ANK3: variants seen among roughly 807,000 people sequenced by gnomAD.
The protein encoded by ANK3 is ankyrin 3, also known as ankyrin-3.
ANK3 carries 57 observed loss-of-function variants against 370.9 expected under a neutral mutation model. The ratio of observed to expected loss-of-function variants is 0.15; its 90% CI spans 0.12 to 0.19. ANK3 has a LOEUF of 0.19. ANK3 is among the 10% of genes least tolerant of loss of function. The probability of loss-of-function intolerance (pLI) is 1.00; values close to 1 mark genes in which losing one functional copy is unlikely to be tolerated. For synonymous variants in ANK3, 1,929 were observed against 1,946.3 expected, an observed-to-expected ratio of 0.99 and a Z score of 0.23; for missense variants, 4,439 against 5,302.1, an observed-to-expected ratio of 0.84 and a Z score of 5.06.
intron 1 of ANK3, among the ~76,000 whole-genome samples, chr10:60,376,865 A>G (rs1486062004): frequency 2.0e-5 from 3 of 152,222 alleles, no homozygotes; most frequent in East Asian, 1.9e-4. Context: ...TAGTATTAAT[A>G]TATTAACTGT....
chr10:60,170,724 A>G (rs906966703), intron 21 of ANK3, among the ~76,000 whole-genome samples: 4 of 151,972 alleles, frequency 2.6e-5, no homozygotes, highest in Admixed American at 2.6e-4. Flanking sequence ...TCTGATGGGA[A>G]CCTGATGGAG....
intron 23 of ANK3, chr10:60,146,134 A>G (rs1393721460): frequency 1.2e-5 from 17 of 1,433,800 alleles, no homozygotes; most frequent in Non-Finnish European, 1.6e-5. Flanking sequence ...TGTCACTTAC[A>G]TAAGTCTGCC....
At chr10:60,483,978 G>A (rs1416104390) in intron 2 of ANK3, among the ~76,000 whole-genome samples, 2 of 152,192 alleles carry the variant, frequency 1.3e-5, no homozygotes, top group Non-Finnish European at 2.9e-5. Context: ...AGAGAACAAA[G>A]TTAAGATAAG....
At chr10:60,559,155 G>A (rs1008643982) in intron 2 of ANK3, among the ~76,000 whole-genome samples, 1 of 151,964 alleles carries the variant, frequency 6.6e-6, no homozygotes, top group African/African-American at 2.4e-5. Flanking sequence ...TTTGGGGAAC[G>A]GGTGGTGTTT....
At chr10:60,186,536 G>A (rs536633698) in intron 17 of ANK3, 179 bp downstream of exon 17, 13 of 724,746 alleles carry the variant, frequency 1.8e-5, no homozygotes, top group Admixed American at 4.1e-5. Flanking sequence ...TTTTCTTATT[G>A]TTTAAACAGA....
chr10:60,588,400 G>A (rs1346711855), intron 2 of ANK3, among the ~76,000 whole-genome samples: 1 of 151,542 alleles, frequency 6.6e-6, no homozygotes, highest in Non-Finnish European at 1.5e-5. Flanking sequence ...GGCCAGGCTG[G>A]TCTCGAACTC....
At chr10:60,176,206 C>A (rs10994238) in intron 18 of ANK3, among the ~76,000 whole-genome samples, 105 of 135,504 alleles carry the variant, frequency 7.7e-4, no homozygotes, top group Middle Eastern at 3.9e-3. Context: ...CAAAAAAAAA[C>A]AAAAAACAAT....
chr10:60,630,840 CTG>C (rs896630760), intron 1 of ANK3, among the ~76,000 whole-genome samples: 1 of 152,142 alleles, frequency 6.6e-6, no homozygotes, highest in African/African-American at 2.4e-5. Flanking sequence ...GTTTTTATGA[CTG>C]TGTGGACAAT....
chr10:60,192,268 T>C (rs905517137), intron 16 of ANK3, among the ~76,000 whole-genome samples: 6 of 151,906 alleles, frequency 3.9e-5, no homozygotes, highest in Non-Finnish European at 7.4e-5. Flanking sequence ...TACATACATA[T>C]AGTAGTATTC....
intron 5 of ANK3, among the ~76,000 whole-genome samples, chr10:60,265,015 TA>T (rs139366892): frequency 0.044 from 6,680 of 152,124 alleles, 530 homozygotes; most frequent in African/African-American, 0.15. Flanking sequence ...TAAATATTTA[TA>T]GGGGTACAAG....
chr10:60,053,830 C>A, intron 42 of ANK3: 1 of 917,218 alleles, frequency 1.1e-6, no homozygotes, highest in Non-Finnish European at 1.5e-6. Context: ...ACGATACATC[C>A]TAAACATCTT....
At chr10:60,414,399 C>A (rs891632966) in intron 2 of ANK3, among the ~76,000 whole-genome samples, 1 of 152,162 alleles carries the variant, frequency 6.6e-6, no homozygotes, top group Non-Finnish European at 1.5e-5. Context: ...TTCTCAGGAA[C>A]ATGCAACTTT....
intron 2 of ANK3, among the ~76,000 whole-genome samples, chr10:60,444,361 T>C (rs2064380880): frequency 6.6e-6 from 1 of 151,278 alleles, no homozygotes; most frequent in Non-Finnish European, 1.5e-5. Context: ...AAAAAAACCA[T>C]ATATATAACA....
At chr10:60,242,350 T>G (rs904132386) in intron 7 of ANK3, among the ~76,000 whole-genome samples, 3 of 152,256 alleles carry the variant, frequency 2.0e-5, no homozygotes, top group Admixed American at 2.0e-4. Flanking sequence ...TATGTTACAT[T>G]ATATCATATG....
chr10:60,135,620 G>T (rs907406364), intron 24 of ANK3, among the ~76,000 whole-genome samples: 6 of 152,206 alleles, frequency 3.9e-5, no homozygotes, highest in African/African-American at 1.2e-4. Context: ...GTGCCTTCTT[G>T]TATCTTTACC....
chr10:60,485,296 C>A (rs1595125390), intron 2 of ANK3, among the ~76,000 whole-genome samples: 1 of 133,728 alleles, frequency 7.5e-6, no homozygotes, highest in Non-Finnish European at 1.7e-5. Context: ...GATTATGACA[C>A]CTCCAATTTT....
chr10:60,557,252 T>C (rs1004986243), intron 2 of ANK3, among the ~76,000 whole-genome samples: 5 of 152,074 alleles, frequency 3.3e-5, no homozygotes, highest in Non-Finnish European at 1.5e-5. Flanking sequence ...CAAATGTCCA[T>C]CAACAGATGG....
Position 60,196,639 on chromosome 10 carries a change from AAC to A in ANK3, c.1690-16_1690-15del. 6.5e-7 allele frequency: 1 copy of A among 1,531,738 alleles called. No homozygotes were observed. Among genetic ancestry groups the A allele is most frequent in the Non-Finnish European group, 8.9e-7 (1 of 1,120,408 alleles). 94.9% of individuals were successfully genotyped at this position (1,531,738 alleles called of 1,614,324 possible). A position where few individuals can be genotyped will look rare whatever the true frequency, so the allele number is the denominator to read the frequency against. On this transcript the variant is annotated splice_polypyrimidine_tract_variant and intron_variant, in intron 14 of 43. Transcript: ENST00000280772. ...AGTAAATCCTTTCTGAAAAAAAAAA[AAC>A]ATAAAAATAATGAACAATAGAAATG...
chr10:60,095,972 A>G (rs1589920339), intron 28 of ANK3, among the ~76,000 whole-genome samples: 1 of 152,142 alleles, frequency 6.6e-6, no homozygotes, highest in East Asian at 1.9e-4. Context: ...TCAGGAGTTC[A>G]AGACCAGTGT....
Sources: allele counts gnomAD v4.1 joint callset (sites outside exome capture counted in the v4.1 genomes callset), GRCh38; gene constraint gnomAD v4.1.1; transcripts MANE v1.5; gene names NCBI Gene and HGNC (gene_info 2026-07-23, HGNC 2026-07-21).